Variants in NKAIN2 observed in about 807,000 individuals in gnomAD.
The protein encoded by NKAIN2 is sodium/potassium transporting ATPase interacting 2.
A neutral mutation model predicts 32.6 loss-of-function variants in NKAIN2; 14 were observed. The ratio of observed to expected loss-of-function variants is 0.43; its 90% CI spans 0.28 to 0.67. The LOEUF (loss-of-function observed/expected upper bound fraction) is 0.67, where lower values mean the gene tolerates loss of function less well. Ranked by LOEUF, NKAIN2 falls within the 30% of genes least tolerant of loss-of-function variation. NKAIN2 has a pLI of 0.17. For synonymous variants in NKAIN2, 80 were observed against 87.2 expected (o/e 0.92, Z 0.46); for missense variants, 198 against 258.3 (o/e 0.77, Z 1.60).
At chr6:124,180,201 G>C (rs528791361) in intron 1 of NKAIN2, among the ~76,000 whole-genome samples, 1 of 152,216 alleles carries the variant, frequency 6.6e-6, no homozygotes, top group East Asian at 1.9e-4. Flanking sequence ...TTCTCATGCT[G>C]CCAATAAAGA....
intron 1 of NKAIN2, among the ~76,000 whole-genome samples, chr6:124,076,199 T>G (rs917262190): frequency 6.6e-6 from 1 of 152,124 alleles, no homozygotes; most frequent in Non-Finnish European, 1.5e-5. Flanking sequence ...AATTTACAAC[T>G]GAGGAGATGA....
intron 1 of NKAIN2, among the ~76,000 whole-genome samples, chr6:123,927,168 T>C (rs1331179930): frequency 6.6e-6 from 1 of 152,206 alleles, no homozygotes; most frequent in East Asian, 1.9e-4. Context: ...GCAATTTAAA[T>C]CCCTTAGTAA....
chr6:124,011,052 A>C (rs1780300020), intron 1 of NKAIN2, among the ~76,000 whole-genome samples: 1 of 152,120 alleles, frequency 6.6e-6, no homozygotes, highest in Non-Finnish European at 1.5e-5. Context: ...TTTTGACCAG[A>C]TTCTGCTCAT....
chr6:124,066,263 A>G (rs1326293012), intron 1 of NKAIN2, among the ~76,000 whole-genome samples: 11 of 152,152 alleles, frequency 7.2e-5, no homozygotes, highest in Admixed American at 1.3e-4. Flanking sequence ...TTTCCAAATT[A>G]TAGATATATT....
chr6:124,425,220 A>G (rs1160306883), intron 3 of NKAIN2, among the ~76,000 whole-genome samples: 1 of 152,182 alleles, frequency 6.6e-6, no homozygotes, highest in Non-Finnish European at 1.5e-5. Context: ...CATTGAAGAA[A>G]AAGATAAGTC....
rs76482669 is a variant in NKAIN2, at chr6:123,843,456, C to T, written c.54+39202C>T. 9.7e-4 allele frequency among the ~76,000 whole-genome samples: 147 copies of T among 152,250 alleles called. 1 individual carries two copies. In the East Asian group the frequency reaches 0.021, roughly 22 times the overall value. On this transcript the variant is annotated intron_variant, in intron 1 of 6. Coordinates refer to ENST00000368417, the MANE Select transcript of NKAIN2 (RefSeq NM_001040214.3). ...CTTCTTCTCTCCTTCTCTGCCGAGC[C>T]ACTCTGCCCCTTTGCCAGGGGAGCT... is the stretch of plus-strand genomic sequence containing the variant.
intron 1 of NKAIN2, among the ~76,000 whole-genome samples, chr6:124,017,938 T>C (rs895515476): frequency 2.3e-4 from 35 of 152,282 alleles, no homozygotes; most frequent in African/African-American, 8.2e-4. Context: ...GGGTACTCTG[T>C]GTGTGGGCTC....
intron 1 of NKAIN2, among the ~76,000 whole-genome samples, chr6:123,845,382 G>T (rs754795250): frequency 1.1e-4 from 17 of 152,126 alleles, no homozygotes; most frequent in Non-Finnish European, 1.6e-4. Flanking sequence ...TCATCAAAAA[G>T]AATAATACAA....
At chr6:124,354,471 A>T (rs551046765) in intron 2 of NKAIN2, among the ~76,000 whole-genome samples, 21 of 152,296 alleles carry the variant, frequency 1.4e-4, no homozygotes, top group African/African-American at 5.1e-4. Context: ...CACTAGTTAG[A>T]TGGTCACTGT....
At chr6:124,701,988 C>A (rs1774815462) in intron 4 of NKAIN2, among the ~76,000 whole-genome samples, 1 of 152,046 alleles carries the variant, frequency 6.6e-6, no homozygotes. Flanking sequence ...TAAAGGAGAA[C>A]TATGCAGATT....
intron 3 of NKAIN2, among the ~76,000 whole-genome samples, chr6:124,535,370 A>C (rs555522792): frequency 1.3e-5 from 2 of 152,196 alleles, no homozygotes; most frequent in Non-Finnish European, 2.9e-5. Flanking sequence ...TTGTAGTTCA[A>C]TTTACTAGTT....
chr6:124,332,804 G>A (rs1583063408), intron 2 of NKAIN2, among the ~76,000 whole-genome samples: 1 of 152,130 alleles, frequency 6.6e-6, no homozygotes, highest in African/African-American at 2.4e-5. Flanking sequence ...GGGCACTGCA[G>A]CTAAGACTTG....
rs144544332 is a variant in NKAIN2 at position 124,248,635 on chromosome 6, T to C, written c.55-34370T>C. ...CTACCTTAAGTAGTTTATAATTGTGTATGTGGAGCTATAATTTTATATGTG... is the reference window on the plus strand; with the variant it reads ...CTACCTTAAGTAGTTTATAATTGTGCATGTGGAGCTATAATTTTATATGTG... On this transcript the variant is annotated intron_variant, in intron 1 of 6. Coordinates refer to ENST00000368417, the MANE Select transcript of NKAIN2 (RefSeq NM_001040214.3). Among the ~76,000 whole-genome samples the C allele has an allele frequency of 9.9e-5, 15 of 152,266 alleles. No homozygotes were observed. In the East Asian group the frequency reaches 2.9e-3, roughly 29 times the overall value.
intron 1 of NKAIN2, among the ~76,000 whole-genome samples, chr6:123,820,563 G>T (rs1773881166): frequency 6.6e-6 from 1 of 152,078 alleles, no homozygotes; most frequent in South Asian, 2.1e-4. Flanking sequence ...TTTCCATGCT[G>T]ACCATCCAGA....
chr6:124,274,775 C>T (rs187696798), intron 1 of NKAIN2, among the ~76,000 whole-genome samples: 2 of 151,620 alleles, frequency 1.3e-5, no homozygotes, highest in African/African-American at 4.8e-5. Context: ...AATGCGGACA[C>T]ACTATTCAAA....
intron 3 of NKAIN2, among the ~76,000 whole-genome samples, chr6:124,358,462 A>G (rs1005153305): frequency 3.8e-4 from 58 of 152,006 alleles, no homozygotes; most frequent in East Asian, 9.7e-4. Context: ...TTTAATGATC[A>G]CCATTCTAAC....
chr6:123,931,344 A>C (rs1285225465), intron 1 of NKAIN2, among the ~76,000 whole-genome samples: 1 of 152,102 alleles, frequency 6.6e-6, no homozygotes, highest in Non-Finnish European at 1.5e-5. Context: ...TAACCTTTCC[A>C]GATTCTTCCA....
At chr6:124,471,696 C>T (rs1583301134) in intron 3 of NKAIN2, among the ~76,000 whole-genome samples, 1 of 152,184 alleles carries the variant, frequency 6.6e-6, no homozygotes, top group East Asian at 1.9e-4. Flanking sequence ...ACAACATAAT[C>T]TAATAGTCTG....
chr6:124,161,060 T>C (rs1413490748), intron 1 of NKAIN2, among the ~76,000 whole-genome samples: 6 of 152,214 alleles, frequency 3.9e-5, no homozygotes, highest in East Asian at 1.9e-4. Context: ...TTAGACCTTA[T>C]ATTAGTCCAC....
Sources: gnomAD v4.1 joint callset for allele counts (sites outside exome capture counted in the v4.1 genomes callset) on GRCh38, gnomAD v4.1.1 for gene constraint, MANE v1.5 for transcripts, NCBI Gene and HGNC (gene_info 2026-07-23, HGNC 2026-07-21) for gene names.